TMEM164: variants seen among roughly 807,000 people sequenced by gnomAD.
TMEM164 encodes transmembrane protein 164.
Under a neutral mutation model 18.8 loss-of-function variants are expected in TMEM164, and 4 were observed. The observed-to-expected ratio is 0.21, with a 90% CI of 0.10 to 0.49. TMEM164 has a LOEUF of 0.49. TMEM164 is among the 20% of genes least tolerant of loss of function. TMEM164 has a pLI of 0.98. For synonymous variants in TMEM164, 86 were observed against 101.7 expected (o/e 0.85, Z 0.93); for missense variants, 108 against 239.9 (o/e 0.45, Z 3.63).
chrX:110,150,355 C>T (rs1435899839), intron 5 of TMEM164, among the ~76,000 whole-genome samples: 2 of 111,508 alleles, frequency 1.8e-5, no homozygotes, highest in Non-Finnish European at 3.8e-5. Context: ...GGCAGGCTGG[C>T]GTCATATATG....
At chrX:110,109,415 G>A (rs760266817) in intron 4 of TMEM164, among the ~76,000 whole-genome samples, 1 of 111,888 alleles carries the variant, frequency 8.9e-6, no homozygotes, top group South Asian at 3.7e-4. Context: ...CTACTCGGGA[G>A]GCTAAGGCAG....
intron 5 of TMEM164, among the ~76,000 whole-genome samples, chrX:110,164,451 GTGGT>G (rs2067133220): frequency 9.0e-6 from 1 of 111,296 alleles, no homozygotes; most frequent in Admixed American, 9.5e-5. Flanking sequence ...GGTAGAAGTG[GTGGT>G]TGAAGTGGGA....
At chrX:110,111,876 C>T (rs2066294750) in intron 4 of TMEM164, among the ~76,000 whole-genome samples, 1 of 111,238 alleles carries the variant, frequency 9.0e-6, no homozygotes, top group African/African-American at 3.3e-5. Context: ...TACATATCTC[C>T]CTGGGTCTGC....
chrX:110,101,580 A>ATTTTTTTTT (rs1298157425), intron 3 of TMEM164, among the ~76,000 whole-genome samples: 5 of 90,833 alleles, frequency 5.5e-5, no homozygotes, highest in African/African-American at 2.1e-4. Flanking sequence ...GGTTTTATTG[A>ATTTTTTTTT]TTTTTTTTTT....
At chrX:110,008,621 G>A (rs1242956476) in intron 2 of TMEM164, among the ~76,000 whole-genome samples, 1 of 111,562 alleles carries the variant, frequency 9.0e-6, no homozygotes, top group Non-Finnish European at 1.9e-5. Flanking sequence ...TACAGTCATT[G>A]GGGGTGTCCA....
chrX:110,149,549 G>T (rs1445416477), intron 5 of TMEM164, among the ~76,000 whole-genome samples: 1 of 111,431 alleles, frequency 9.0e-6, no homozygotes, highest in Non-Finnish European at 1.9e-5. Context: ...GTCTTCTCAA[G>T]TCTCCTTCAC....
chrX:110,013,896 G>C (rs371200811), intron 2 of TMEM164, among the ~76,000 whole-genome samples: 3 of 111,598 alleles, frequency 2.7e-5, no homozygotes, highest in East Asian at 5.6e-4. Flanking sequence ...CAAGATCATA[G>C]TGGTGTATTG....
intron 3 of TMEM164, among the ~76,000 whole-genome samples, chrX:110,103,221 A>G (rs2066138096): frequency 8.9e-6 from 1 of 112,486 alleles, no homozygotes; most frequent in Admixed American, 9.4e-5. Flanking sequence ...AGGGTAAGGA[A>G]AAAACAAAGT....
chrX:110,147,575 G>A (rs2066875342), intron 5 of TMEM164, among the ~76,000 whole-genome samples: 1 of 110,440 alleles, frequency 9.1e-6, no homozygotes, highest in Non-Finnish European at 1.9e-5. Context: ...CTGTACGTTA[G>A]GGGAAAAAGG....
intron 2 of TMEM164, chrX:110,020,481 G>C: frequency 1.3e-6 from 1 of 754,124 alleles, no homozygotes; most frequent in Non-Finnish European, 1.6e-6. Context: ...ATGCAAGCTA[G>C]AGAAGAGAAA....
intron 4 of TMEM164, among the ~76,000 whole-genome samples, chrX:110,129,133 A>G (rs931812569): frequency 1.2e-4 from 13 of 111,438 alleles, no homozygotes; most frequent in Non-Finnish European, 2.1e-4. Flanking sequence ...TTTTTTGATT[A>G]CCCAAGTAGT....
chrX:110,063,955 A>T lies in TMEM164; in HGVS notation c.391-3392A>T, dbSNP rs868455370. 8.1e-5 allele frequency among the ~76,000 whole-genome samples: 9 copies of T among 111,188 alleles called. No individual in the cohort carries two copies. In the South Asian group the frequency reaches 1.9e-3, roughly 24 times the overall value. ...AAAAGGAGCTCTCATGAGCCCTGGT[A>T]TGTGTCAGGTGTGAAGTGGAAAGTG... On this transcript the variant is annotated intron_variant, in intron 2 of 6. Transcript: ENST00000372068.
At chrX:110,136,867 C>A (rs765548908) in intron 4 of TMEM164, among the ~76,000 whole-genome samples, 4 of 111,472 alleles carry the variant, frequency 3.6e-5, no homozygotes, top group African/African-American at 1.3e-4. Context: ...AGAATCTCTC[C>A]TGTTCTTAAC....
At chrX:110,103,861 A>G (rs983364078) in intron 3 of TMEM164, among the ~76,000 whole-genome samples, 1 of 111,197 alleles carries the variant, frequency 9.0e-6, no homozygotes, top group Admixed American at 9.6e-5. Flanking sequence ...CAGGATGGAA[A>G]ACATGAGGGA....
At chrX:110,029,762 T>C (rs1445622714) in intron 2 of TMEM164, among the ~76,000 whole-genome samples, 1 of 111,294 alleles carries the variant, frequency 9.0e-6, no homozygotes, top group Non-Finnish European at 1.9e-5. Context: ...ATTTTCATGC[T>C]CTGTTAGGGC....
chrX:110,137,061 C>A (rs1355934918), intron 4 of TMEM164, among the ~76,000 whole-genome samples: 1 of 112,019 alleles, frequency 8.9e-6, no homozygotes, highest in Non-Finnish European at 1.9e-5. Flanking sequence ...TTTTAAATTT[C>A]CATGTTTGTG....
chrX:110,121,473 T>C (rs915996784), intron 4 of TMEM164, among the ~76,000 whole-genome samples: 4 of 112,514 alleles, frequency 3.6e-5, no homozygotes, highest in African/African-American at 1.3e-4. Context: ...TGTGACTGAC[T>C]TCTTTCACTC....
rs889562919 is a variant in TMEM164, at chrX:110,038,242, C to T, written c.391-29105C>T. 2.7e-5 allele frequency among the ~76,000 whole-genome samples: 3 copies of T among 111,024 alleles called. No individual in the cohort carries two copies. In the East Asian group the frequency reaches 8.5e-4, roughly 31 times the overall value. On this transcript the variant is annotated intron_variant, in intron 2 of 6. Transcript: ENST00000372068. Reference sequence around the variant, plus strand: ...TCCTGACCTCGTGATCCGCCCGCCTCGGCCTCCCAAAGTGCTGGGATTACA... The same window carrying T: ...TCCTGACCTCGTGATCCGCCCGCCTTGGCCTCCCAAAGTGCTGGGATTACA...
At chrX:110,141,129 G>A (rs1314953365) in intron 4 of TMEM164, among the ~76,000 whole-genome samples, 1 of 111,523 alleles carries the variant, frequency 9.0e-6, no homozygotes, top group African/African-American at 3.3e-5. Context: ...TGCAGCCTGG[G>A]TGACATAATG....
Sources: gnomAD v4.1 joint callset for allele counts (sites outside exome capture counted in the v4.1 genomes callset) on GRCh38, gnomAD v4.1.1 for gene constraint, MANE v1.5 for transcripts, NCBI Gene and HGNC (gene_info 2026-07-23, HGNC 2026-07-21) for gene names.